Variants in ANK2 observed in about 807,000 individuals in gnomAD.
ANK2 encodes ankyrin-2.
A neutral mutation model predicts 360.5 loss-of-function variants in ANK2; 83 were observed. The ratio of observed to expected loss-of-function variants is 0.23; its 90% confidence interval spans 0.19 to 0.28. The LOEUF is 0.28. ANK2 is among the 10% of genes least tolerant of loss of function. The probability of loss-of-function intolerance (pLI) is 1.00; values close to 1 mark genes in which losing one functional copy is unlikely to be tolerated. For synonymous variants in ANK2, 1,740 were observed against 1,759.5 expected (o/e 0.99, Z 0.28); for missense variants, 4,201 against 4,795.7 (o/e 0.88, Z 3.66).
chr4:113,317,468 C>T, intron 24 of ANK2: 1 of 541,972 alleles, frequency 1.8e-6, no homozygotes, highest in East Asian at 3.3e-5. Context: ...TTAGGAGTAT[C>T]AAATTTTAAC....
In ANK2 at chr4:113,133,821, A is replaced by G. The variant is rs556036288; in HGVS notation, c.85-40595A>G. Among the ~76,000 whole-genome samples the G allele has an allele frequency of 2.6e-5, 4 of 152,276 alleles. No homozygotes were observed. The South Asian group carries it at 8.3e-4, about 32-fold the overall frequency. ...ATGGAAAAAGTGAGGTTTAAGAAGG[A>G]AGGAAGAGGTAAGACCCCAGATGAC... On this transcript the variant is annotated intron_variant, in intron 1 of 45. Transcript: ENST00000357077.
rs771802296 is a variant in ANK2, at chr4:113,353,395, G to T, written c.4777G>T (p.Val1593Phe). ...SERGLVEEEW[V>F]IVSDEEIEEA... ...GAGAGGATTAGTTGAAGAGGAATGG[G>T]TTATTGTCAGTGATGAGGAAATAGA... Residue 1593 changes from valine (V) to phenylalanine (F), a missense_variant, in exon 38 of 46, where the codon GTT (valine) becomes TTT (phenylalanine). Around this residue, in one of 4 missense-constraint regions of ANK2, gnomAD observed 1,268 missense variants for 1,650.8 expected, o/e 0.77. Coordinates refer to ENST00000357077, the MANE Select transcript of ANK2 (RefSeq NM_001148.6). 31 of 1,613,956 alleles carry T rather than the reference G, an allele frequency of 1.9e-5. No individual in the cohort carries two copies. The East Asian group carries it at 6.5e-4, about 34-fold the overall frequency.
At chr4:113,049,087 A>T (rs1177422366), upstream of ANK2, among the ~76,000 whole-genome samples, 3 of 152,190 alleles carry the variant, frequency 2.0e-5, no homozygotes, top group Non-Finnish European at 4.4e-5. Flanking sequence ...ACAGGAGAAG[A>T]GAGTGGTTGG....
At chr4:112,871,094 T>C (rs1362677726) in intron 1 of ANK2, among the ~76,000 whole-genome samples, 1 of 152,176 alleles carries the variant, frequency 6.6e-6, no homozygotes, top group East Asian at 1.9e-4. Context: ...TTAATTTCCA[T>C]TTTGGGTTGT....
At chr4:112,938,390 A>G (rs949685685) in intron 2 of ANK2, among the ~76,000 whole-genome samples, 1 of 152,144 alleles carries the variant, frequency 6.6e-6, no homozygotes, top group African/African-American at 2.4e-5. Flanking sequence ...AGTTCTGTTC[A>G]TTCATGGTGA....
chr4:113,096,692 C>G (rs2091183662), intron 1 of ANK2, among the ~76,000 whole-genome samples: 1 of 152,000 alleles, frequency 6.6e-6, no homozygotes, highest in Non-Finnish European at 1.5e-5. Flanking sequence ...AGCCATGTGC[C>G]CAACTATTAC....
At chr4:113,063,551 T>A (rs922112999) in intron 1 of ANK2, among the ~76,000 whole-genome samples, 2 of 152,144 alleles carry the variant, frequency 1.3e-5, no homozygotes, top group African/African-American at 4.8e-5. Flanking sequence ...GAAGACCAAA[T>A]AAGCTTATAA....
intron 2 of ANK2, among the ~76,000 whole-genome samples, chr4:113,005,051 A>T (rs1372756313): frequency 6.6e-6 from 1 of 152,254 alleles, no homozygotes; most frequent in African/African-American, 2.4e-5. Context: ...ATTCAACTAC[A>T]TATGAATCAA....
At chr4:113,012,968 T>C (rs562616399) in intron 2 of ANK2, among the ~76,000 whole-genome samples, 31 of 152,246 alleles carry the variant, frequency 2.0e-4, no homozygotes, top group African/African-American at 7.2e-4. Context: ...TGAAGGGGCT[T>C]TGTGGGCGTG....
At chr4:113,328,057 C>G (rs1297213975) in intron 26 of ANK2, among the ~76,000 whole-genome samples, 1 of 152,074 alleles carries the variant, frequency 6.6e-6, no homozygotes, top group South Asian at 2.1e-4. Context: ...CATCGAGGCT[C>G]CATGTTATAT....
At chr4:112,950,499 C>T (rs2094877126) in intron 2 of ANK2, among the ~76,000 whole-genome samples, 1 of 151,110 alleles carries the variant, frequency 6.6e-6, no homozygotes, top group African/African-American at 2.4e-5. Flanking sequence ...AAAAAATTAG[C>T]CTGGCATGGT....
chr4:112,765,623 T>A, the ANK2 span, among the ~76,000 whole-genome samples: 863 of 151,926 alleles, frequency 5.7e-3, 6 homozygotes, highest in African/African-American at 0.02. Flanking sequence ...TAATACTACA[T>A]ACCACTGTGT....
the ANK2 span, among the ~76,000 whole-genome samples, chr4:112,782,159 A>C: frequency 6.6e-6 from 1 of 152,134 alleles, no homozygotes; most frequent in Non-Finnish European, 1.5e-5. Flanking sequence ...TTTATATTTT[A>C]AGATATATAT....
chr4:112,808,493 T>C, the ANK2 span, among the ~76,000 whole-genome samples: 15 of 152,266 alleles, frequency 9.9e-5, no homozygotes, highest in African/African-American at 3.6e-4. Context: ...AAAGAAGAAA[T>C]ACAAACTTCA....
rs1408236138 is a variant in ANK2 at position 113,196,406 on chromosome 4, C to A, written c.225C>A (p.Gly75=). The stretch of plus-strand genomic sequence containing the variant: ...CTCTCCATCTGGCTGCCAAGGAAGG[C>A]CACGTGGGGCTGGTGCAGGAGCTGC... ...LNALHLAAKE[G]HVGLVQELLG... Residue 75 remains glycine (G), a synonymous_variant, in exon 3 of 46, where the codon GGC becomes GGA. Transcript: ENST00000357077. The A allele has an allele frequency of 6.2e-7, 1 of 1,613,718 alleles. No homozygotes were observed. The highest frequency in any genetic ancestry group is 2.2e-5 in the East Asian group (1 of 44,900).
At position 113,333,064 on chromosome 4, in the gene ANK2, G is replaced by A. The variant is rs774214850; in HGVS notation, c.3235G>A (p.Val1079Met). 18 of 1,614,058 alleles carry A rather than the reference G, an allele frequency of 1.1e-5. No individual in the cohort carries two copies. The highest frequency in any genetic ancestry group is 6.6e-5 in the South Asian group (6 of 91,090). The change falls in exon 29 of 46, where the codon GTG becomes ATG. Residue 1079 changes from valine to methionine, a missense_variant. Val to Met is a conservative substitution (Grantham distance 21). Around this residue, in one of 4 missense-constraint regions of ANK2, gnomAD observed 1,268 missense variants for 1,650.8 expected, o/e 0.77. Coordinates refer to ENST00000357077, the MANE Select transcript of ANK2 (RefSeq NM_001148.6). ...PGTKFLGPVIVEIPHFAALRG... is the reference protein window; with the variant it reads ...PGTKFLGPVIMEIPHFAALRG... ...GCATTGCTATGTCAGGCCTGTGATC[G>A]TGGAGATCCCTCACTTTGCGGCCCT...
the ANK2 span, among the ~76,000 whole-genome samples, chr4:112,729,979 G>A: frequency 6.6e-6 from 1 of 152,090 alleles, no homozygotes; most frequent in African/African-American, 2.4e-5. Context: ...TAGAATGTTA[G>A]TTATCAGGGG....
chr4:113,010,728 A>G (rs567770375), intron 2 of ANK2, among the ~76,000 whole-genome samples: 3 of 152,220 alleles, frequency 2.0e-5, no homozygotes, highest in Admixed American at 6.5e-5. Flanking sequence ...ATACCCAAAC[A>G]GAGTATTTTA....
At chr4:113,200,209 A>G (rs1010917185) in intron 4 of ANK2, among the ~76,000 whole-genome samples, 5 of 152,190 alleles carry the variant, frequency 3.3e-5, no homozygotes, top group Non-Finnish European at 7.3e-5. Flanking sequence ...CTTAGTCTAA[A>G]ACCCTTATTA....
Sources: allele counts gnomAD v4.1 joint callset (sites outside exome capture counted in the v4.1 genomes callset), GRCh38; gene constraint gnomAD v4.1.1; regional missense constraint gnomAD v4.1.1; transcripts MANE v1.5; gene names NCBI Gene and HGNC (gene_info 2026-07-23, HGNC 2026-07-21).